The following NID1 variants were observed in gnomAD, a reference collection of about 807,000 sequenced individuals.
NID1 encodes nidogen-1.
NID1 carries 76 observed loss-of-function variants against 130.6 expected under a neutral mutation model. The observed-to-expected ratio is 0.58, with a 90% CI of 0.48 to 0.70. NID1 has a LOEUF of 0.70. Ranked by LOEUF, NID1 falls within the 30% of genes least tolerant of loss-of-function variation. The pLI, the probability that NID1 is intolerant of heterozygous loss-of-function variation, is 0.00. For missense variants in NID1, 1,517 were observed against 1,664.8 expected (o/e 0.91, Z 1.54); for synonymous variants, 665 against 675.1 (o/e 0.98, Z 0.23).
Position 236,042,052 on chromosome 1 carries a change from G to A in NID1, c.993C>T (p.Val331=), listed in dbSNP as rs1205510608. ...GGADTYSVPS[V]LSPRRAATER... Reference sequence around the variant, plus strand: ...CGGTAGCTGCCCGGCGCGGGGAGAGGACGCTGGGCACACTGTATGTGTCAG... The same window carrying A: ...CGGTAGCTGCCCGGCGCGGGGAGAGAACGCTGGGCACACTGTATGTGTCAG... The change falls in exon 4 of 20, where the codon GTC becomes GTT. Residue 331 remains valine (V), a synonymous_variant. Coordinates refer to ENST00000264187, the MANE Select transcript of NID1 (RefSeq NM_002508.3). 3.7e-6 allele frequency: 6 copies of A among 1,614,146 alleles called. No homozygotes were observed. In the South Asian group the frequency reaches 6.6e-5, roughly 18 times the overall value.
rs1558418112 is a variant in NID1 at position 235,977,870 on chromosome 1, T to C, written c.3741A>G (p.Lys1247=). ...NTLGVDCIEQ[K] is the part of the protein sequence containing the mutation. ...AGGAAATAAGGCACTCTTGTCTTCA[T>C]TTCTGTTCGATACAGTCAACTCCCA... The change falls in exon 20 of 20, where the codon AAA becomes AAG. Residue 1247 remains lysine, a synonymous_variant. Transcript: ENST00000264187. The C allele has an allele frequency of 6.2e-7, 1 of 1,614,080 alleles. No homozygotes were observed. The highest frequency in any genetic ancestry group is 8.5e-7 in the Non-Finnish European group (1 of 1,179,972).
chr1:235,985,928 T>A (rs921751642), intron 14 of NID1, among the ~76,000 whole-genome samples: 1 of 152,046 alleles, frequency 6.6e-6, no homozygotes, highest in Non-Finnish European at 1.5e-5. Context: ...CCTAGCTCAT[T>A]TCTTAAAATT....
intron 12 of NID1, among the ~76,000 whole-genome samples, chr1:236,005,953 TATGTC>T (rs1658235941): frequency 6.6e-6 from 1 of 152,204 alleles, no homozygotes; most frequent in Admixed American, 6.5e-5. Flanking sequence ...AAAATATAGT[TATGTC>T]ATGTGAATCA....
chr1:236,061,823 A>C (rs1392994283), intron 1 of NID1, among the ~76,000 whole-genome samples: 1 of 152,216 alleles, frequency 6.6e-6, no homozygotes, highest in East Asian at 1.9e-4. Context: ...AGCACATGAA[A>C]AGATTCTCAA....
chr1:235,981,099 TAGG>T (rs1657423874), intron 16 of NID1, among the ~76,000 whole-genome samples: 1 of 152,132 alleles, frequency 6.6e-6, no homozygotes, highest in African/African-American at 2.4e-5. Context: ...GGCCACAGAA[TAGG>T]AGATGTGGTC....
At chr1:236,017,750 G>A (rs1294326807) in intron 9 of NID1, among the ~76,000 whole-genome samples, 1 of 152,158 alleles carries the variant, frequency 6.6e-6, no homozygotes. Flanking sequence ...TAACTGGAGA[G>A]AGTGATCCCC....
In NID1 at chr1:236,064,888, G is replaced by A. The variant is rs1354756790; in HGVS notation, c.192C>T (p.Arg64=). The A allele has an allele frequency of 1.9e-6, 3 of 1,612,282 alleles. No individual in the cohort carries two copies. Among genetic ancestry groups the A allele is most frequent in the Non-Finnish European group, 2.5e-6 (3 of 1,179,500 alleles). ...CGTCGATGTCGGATCTGTCGTAGAA[G>A]CGGAGCGCCCCACTCAGCTCCAGGG... is the stretch of plus-strand genomic sequence containing the variant. The part of the protein sequence containing the change: ...SPALELSGAL[R]FYDRSDIDAV... Residue 64 remains arginine (R), a synonymous_variant, in exon 1 of 20, where the codon CGC becomes CGT. Transcript: ENST00000264187.
intron 12 of NID1, among the ~76,000 whole-genome samples, chr1:235,994,556 T>C (rs1461322901): frequency 1.3e-5 from 2 of 152,272 alleles, no homozygotes; most frequent in African/African-American, 4.8e-5. Flanking sequence ...TGCTTCATAT[T>C]CATGGCTGAA....
At chr1:235,989,548 C>T (rs1657668489) in intron 14 of NID1, among the ~76,000 whole-genome samples, 1 of 152,196 alleles carries the variant, frequency 6.6e-6, no homozygotes, top group African/African-American at 2.4e-5. Context: ...ACCAATACCT[C>T]CATGAAACAA....
intron 10 of NID1, 26 bp from the exon 11 acceptor site, chr1:236,013,586 G>A (rs915683470): frequency 1.2e-6 from 2 of 1,613,882 alleles, no homozygotes; most frequent in Admixed American, 1.7e-5. Flanking sequence ...TTGATGCACA[G>A]TCTTAGGAAG....
chr1:236,020,059 CA>C (rs1553345425), intron 9 of NID1, among the ~76,000 whole-genome samples: 2 of 81,580 alleles, frequency 2.5e-5, no homozygotes, highest in African/African-American at 7.4e-5. Flanking sequence ...AAAAAAAAAA[CA>C]AAAACAAACT....
At chr1:235,982,346 G>A (rs1203507911) in intron 15 of NID1, among the ~76,000 whole-genome samples, 2 of 152,156 alleles carry the variant, frequency 1.3e-5, no homozygotes, top group Non-Finnish European at 2.9e-5. Flanking sequence ...CAGAGATGAA[G>A]GTAGGAGGCC....
In NID1 at chr1:236,025,984, C is replaced by T. The variant is rs1207609193; in HGVS notation, c.1896G>A (p.Gln632=). 1 of 1,613,776 alleles carries T rather than the reference C, an allele frequency of 6.2e-7. No individual in the cohort carries two copies. The highest frequency in any genetic ancestry group is 1.3e-5 in the African/African-American group (1 of 74,878). ...DSRPALPSTQ[Q]LSVDSVFVLY... is the part of the protein sequence containing the mutation. ...GGACGAACACGCTGTCCACCGAGAG[C>T]TGCTGGGTGCTGGGCAGGGCTGGCC... The change falls in exon 8 of 20, where the codon CAG becomes CAA. Residue 632 remains glutamine, a synonymous_variant. Coordinates refer to ENST00000264187, the MANE Select transcript of NID1 (RefSeq NM_002508.3).
chr1:236,026,113 G>C lies in NID1; in HGVS notation c.1767C>G (p.Tyr589Ter). The C allele has an allele frequency of 1.2e-6, 2 of 1,613,930 alleles. No individual in the cohort carries two copies. The highest frequency in any genetic ancestry group is 1.7e-6 in the Non-Finnish European group (2 of 1,179,948). The change falls in exon 8 of 20, where the codon TAC (tyrosine) becomes TAG (stop). Residue 589 changes from tyrosine to a stop codon, truncating the protein, a stop_gained. Transcript: ENST00000264187. LOFTEE classifies it high-confidence loss of function. ...CATCTCGCTCGGGCTCAGTCACCGT[G>C]TACTCCCGGGTGGAGGAGGAAGTGA... ...SVITSSSTRE[Y>*]TVTEPERDGA...
At chr1:236,022,340 A>ATTTT (rs112406762) in intron 9 of NID1, among the ~76,000 whole-genome samples, 2 of 137,250 alleles carry the variant, frequency 1.5e-5, no homozygotes, top group Non-Finnish European at 1.5e-5. Context: ...GATGGCCCCT[A>ATTTT]TTTTTTTTTT....
chr1:236,000,665 G>C (rs1572586931), intron 12 of NID1, among the ~76,000 whole-genome samples: 1 of 152,170 alleles, frequency 6.6e-6, no homozygotes, highest in Non-Finnish European at 1.5e-5. Context: ...AAAATAAATT[G>C]TTAAATTGAT....
At chr1:236,037,544 G>C (rs12126219) in intron 5 of NID1, among the ~76,000 whole-genome samples, 28,882 of 151,976 alleles carry the variant, frequency 0.19, 3,361 homozygotes, top group Non-Finnish European at 0.27. Context: ...TGTAATTCCA[G>C]CTACTCAGGA....
At chr1:235,978,942 C>T in intron 19 of NID1, 53 bp downstream of exon 19, 1 of 1,271,778 alleles carries the variant, frequency 7.9e-7, no homozygotes, top group Non-Finnish European at 1.2e-6. Flanking sequence ...AGTGTGGGCT[C>T]TGAGCCTCCA....
At chr1:236,019,919 T>C (rs959795307) in intron 9 of NID1, among the ~76,000 whole-genome samples, 7 of 151,278 alleles carry the variant, frequency 4.6e-5, no homozygotes, top group Admixed American at 4.6e-4. Flanking sequence ...TGCCTGTAAT[T>C]CCGGCAATCC....
Sources: allele counts gnomAD v4.1 joint callset (sites outside exome capture counted in the v4.1 genomes callset), GRCh38; gene constraint gnomAD v4.1.1; transcripts MANE v1.5; gene names NCBI Gene and HGNC (gene_info 2026-07-23, HGNC 2026-07-21).